Variants in TMEM163 observed in about 807,000 individuals in gnomAD.
TMEM163 encodes the protein transmembrane protein 163.
A neutral mutation model predicts 29.3 loss-of-function variants in TMEM163; 17 were observed. That is an observed-to-expected ratio of 0.58 (90% CI 0.40 to 0.87). TMEM163 has a LOEUF of 0.87. TMEM163 is among the 40% of genes least tolerant of loss of function. TMEM163 has a pLI of 0.00. For synonymous variants in TMEM163, 157 were observed against 160.6 expected (o/e 0.98, Z 0.17); for missense variants, 303 against 381.5 (o/e 0.79, Z 1.71).
intron 2 of TMEM163, among the ~76,000 whole-genome samples, chr2:134,646,717 T>C (rs577303068): frequency 6.6e-6 from 1 of 152,296 alleles, no homozygotes; most frequent in East Asian, 1.9e-4. Flanking sequence ...AGTGCTAGGA[T>C]TATAGGCATG....
rs528676063 is a variant in TMEM163 at position 134,698,998 on chromosome 2, G to C, written c.322+14202C>G. Among the ~76,000 whole-genome samples the C allele has an allele frequency of 2.1e-4, 32 of 152,294 alleles. 2 individuals carry two copies. The highest frequency in any genetic ancestry group is 7.7e-4 in the African/African-American group (32 of 41,562). ...TAAACTAAAGGGTAACAACTCACTA[G>C]TAAGGCATAAAATGAATTTGGTAGG... On this transcript the variant is annotated intron_variant, in intron 2 of 7. Transcript: ENST00000281924.
At chr2:134,634,629 G>A (rs1313113782) in intron 2 of TMEM163, among the ~76,000 whole-genome samples, 2 of 152,240 alleles carry the variant, frequency 1.3e-5, no homozygotes, top group Non-Finnish European at 2.9e-5. Flanking sequence ...TGGAGGGGGA[G>A]AAGAAGTGGG....
chr2:134,519,200 A>G (rs1680140083), intron 4 of TMEM163, among the ~76,000 whole-genome samples: 1 of 152,232 alleles, frequency 6.6e-6, no homozygotes, highest in Non-Finnish European at 1.5e-5. Flanking sequence ...ACCAAGCCAA[A>G]TAAATCAGAT....
intron 4 of TMEM163, among the ~76,000 whole-genome samples, chr2:134,528,077 A>C (rs994942379): frequency 1.1e-4 from 16 of 152,228 alleles, no homozygotes. Context: ...ACGAAAAAGA[A>C]ACACCTGGTC....
At chr2:134,682,053 A>G (rs1452124815) in intron 2 of TMEM163, among the ~76,000 whole-genome samples, 1 of 152,198 alleles carries the variant, frequency 6.6e-6, no homozygotes, top group Non-Finnish European at 1.5e-5. Flanking sequence ...GATCCTACGT[A>G]GTCTTTCAGC....
At chr2:134,552,128 A>G (rs1413441518) in intron 2 of TMEM163, 37 bp from the exon 3 acceptor site, 1 of 1,545,248 alleles carries the variant, frequency 6.5e-7, no homozygotes, top group Admixed American at 1.7e-5. Flanking sequence ...AATATTTTAA[A>G]ACCTCTCTCA....
intron 2 of TMEM163, among the ~76,000 whole-genome samples, chr2:134,562,765 C>A (rs1276160241): frequency 6.6e-6 from 1 of 152,114 alleles, no homozygotes; most frequent in Admixed American, 6.5e-5. Flanking sequence ...GCCCTTTTGT[C>A]CTCTCTCCTC....
intron 5 of TMEM163, among the ~76,000 whole-genome samples, chr2:134,477,406 CATG>C (rs1444755489): frequency 6.6e-6 from 1 of 152,174 alleles, no homozygotes; most frequent in Non-Finnish European, 1.5e-5. Context: ...ATGGTATATA[CATG>C]ATGTGCAGGG....
At chr2:134,672,775 C>G (rs1684020873) in intron 2 of TMEM163, among the ~76,000 whole-genome samples, 1 of 152,220 alleles carries the variant, frequency 6.6e-6, no homozygotes, top group African/African-American at 2.4e-5. Flanking sequence ...CTTCATCCAT[C>G]CAGAATGCCA....
At chr2:134,644,012 A>G (rs2104842029) in intron 2 of TMEM163, among the ~76,000 whole-genome samples, 1 of 152,222 alleles carries the variant, frequency 6.6e-6, no homozygotes, top group African/African-American at 2.4e-5. Context: ...TTTATAAAGC[A>G]TTTACAATAG....
At chr2:134,667,683 A>G (rs1683898300) in intron 2 of TMEM163, among the ~76,000 whole-genome samples, 1 of 152,226 alleles carries the variant, frequency 6.6e-6, no homozygotes, top group African/African-American at 2.4e-5. Context: ...AGCATCTGCA[A>G]AAGAAAAGCT....
intron 2 of TMEM163, among the ~76,000 whole-genome samples, chr2:134,631,436 C>CTAG (rs1268894799): frequency 2.0e-5 from 3 of 152,162 alleles, no homozygotes; most frequent in African/African-American, 4.8e-5. Flanking sequence ...CATTCTTGGC[C>CTAG]TAGTAGCACA....
chr2:134,679,407 C>T (rs926703011), intron 2 of TMEM163, among the ~76,000 whole-genome samples: 1 of 152,162 alleles, frequency 6.6e-6, no homozygotes. Context: ...GAAAACAAGA[C>T]TGGCATTTCA....
intron 4 of TMEM163, among the ~76,000 whole-genome samples, chr2:134,529,879 A>G (rs762640808): frequency 2.6e-5 from 4 of 152,046 alleles, no homozygotes; most frequent in South Asian, 2.1e-4. Context: ...CATGAAAAGG[A>G]AAGTTTCGAG....
At chr2:134,517,892 C>A (rs1201687616) in intron 4 of TMEM163, among the ~76,000 whole-genome samples, 5 of 152,104 alleles carry the variant, frequency 3.3e-5, no homozygotes, top group African/African-American at 1.2e-4. Flanking sequence ...GAGTTTCCCA[C>A]TGAGTGATCT....
At chr2:134,671,226 C>T (rs1165389031) in intron 2 of TMEM163, among the ~76,000 whole-genome samples, 1 of 152,164 alleles carries the variant, frequency 6.6e-6, no homozygotes. Flanking sequence ...TGAGTCCTGC[C>T]GTGTGGCAGA....
At chr2:134,694,158 A>G (rs913772915) in intron 2 of TMEM163, among the ~76,000 whole-genome samples, 2 of 152,232 alleles carry the variant, frequency 1.3e-5, no homozygotes, top group African/African-American at 4.8e-5. Context: ...AGTGCCCAGC[A>G]TACTATGTGC....
At chr2:134,553,575 T>C (rs561769210) in intron 2 of TMEM163, among the ~76,000 whole-genome samples, 1 of 152,280 alleles carries the variant, frequency 6.6e-6, no homozygotes, top group East Asian at 1.9e-4. Context: ...GAACCACTGG[T>C]GTCCGAGCGT....
intron 2 of TMEM163, among the ~76,000 whole-genome samples, chr2:134,599,663 C>T (rs948767506): frequency 6.6e-6 from 1 of 150,472 alleles, no homozygotes; most frequent in African/African-American, 2.4e-5. Flanking sequence ...TTAAAACAAA[C>T]ACTGAAGATA....
Sources: gnomAD v4.1 joint callset for allele counts (sites outside exome capture counted in the v4.1 genomes callset) on GRCh38, gnomAD v4.1.1 for gene constraint, MANE v1.5 for transcripts, NCBI Gene and HGNC (gene_info 2026-07-23, HGNC 2026-07-21) for gene names.